WDR59: variants seen among roughly 807,000 people sequenced by gnomAD.
WDR59 encodes the protein WD repeat domain 59.
A neutral mutation model predicts 131.2 loss-of-function variants in WDR59; 100 were observed. The ratio of observed to expected loss-of-function variants is 0.76; its 90% confidence interval spans 0.65 to 0.90. WDR59 has a LOEUF of 0.90. Ranked by LOEUF, WDR59 falls within the 40% of genes least tolerant of loss-of-function variation. WDR59 has a pLI of 0.00. For synonymous variants in WDR59, 601 were observed against 466.2 expected (o/e 1.29, Z -3.72); for missense variants, 1,203 against 1,262.2 (o/e 0.95, Z 0.71).
intron 8 of WDR59, among the ~76,000 whole-genome samples, chr16:74,937,248 T>G (rs1256867081): frequency 6.6e-6 from 1 of 152,202 alleles, no homozygotes; most frequent in African/African-American, 2.4e-5. Context: ...ATCGGGTTAC[T>G]GAAACACATA....
Position 74,889,677 on chromosome 16 carries a change from T to C in WDR59, c.2195+26A>G, listed in dbSNP as rs1964945547. 1.9e-6 allele frequency: 3 copies of C among 1,590,170 alleles called. No individual in the cohort carries two copies. In the East Asian group the frequency reaches 6.7e-5, roughly 36 times the overall value. On this transcript the variant is annotated intron_variant, in intron 21 of 25. Coordinates refer to ENST00000262144, the MANE Select transcript of WDR59 (RefSeq NM_030581.4). Reference sequence around the variant, plus strand: ...ACCAAAAATGGACATCACTCATTTTTCTCATTTTTAGCTCTCAAAACCTAC... The same window carrying C: ...ACCAAAAATGGACATCACTCATTTTCCTCATTTTTAGCTCTCAAAACCTAC...
At chr16:74,952,445 C>CAAAAAAAAAAA (rs61448932) in intron 3 of WDR59, among the ~76,000 whole-genome samples, 26 of 62,546 alleles carry the variant, frequency 4.2e-4, no homozygotes, top group Middle Eastern at 0.012. Context: ...CCATCTCAAA[C>CAAAAAAAAAAA]AAAAAAAAAA....
chr16:74,949,134 C>G (rs1207993411), intron 5 of WDR59, among the ~76,000 whole-genome samples: 4 of 151,844 alleles, frequency 2.6e-5, no homozygotes, highest in Non-Finnish European at 4.4e-5. Context: ...AGCCTGACAA[C>G]ACAGCAAGAC....
chr16:74,918,032 C>T, intron 10 of WDR59, 24 bp from the exon 11 acceptor site: 1 of 1,608,556 alleles, frequency 6.2e-7, no homozygotes. Context: ...AATAAGAATC[C>T]TGGAAATTCT....
chr16:74,969,587 T>C (rs2033903200), intron 1 of WDR59, among the ~76,000 whole-genome samples: 1 of 144,724 alleles, frequency 6.9e-6, no homozygotes, highest in African/African-American at 2.5e-5. Context: ...TTTGTTTTTA[T>C]TTTTGAGATG....
chr16:74,958,028 C>T (rs2033373760), intron 2 of WDR59, among the ~76,000 whole-genome samples: 1 of 152,118 alleles, frequency 6.6e-6, no homozygotes. Context: ...CAGCTGGCAT[C>T]GTCCCATCAG....
chr16:74,971,075 G>C (rs2033964127), intron 1 of WDR59, among the ~76,000 whole-genome samples: 1 of 151,898 alleles, frequency 6.6e-6, no homozygotes, highest in South Asian at 2.1e-4. Context: ...AAAGATGGTA[G>C]GTCAGAACCA....
intron 2 of WDR59, 100 bp from the exon 3 acceptor site, chr16:74,956,710 G>A (rs1406383162): frequency 3.4e-6 from 5 of 1,470,230 alleles, no homozygotes; most frequent in Non-Finnish European, 4.6e-6. Context: ...TGCAAGCAGT[G>A]CTCCAAAAAA....
intron 25 of WDR59, among the ~76,000 whole-genome samples, chr16:74,885,354 GGGA>G (rs35855063): frequency 0.037 from 5,563 of 149,720 alleles, 122 homozygotes; most frequent in Middle Eastern, 0.076. Context: ...GGGAGGCTTA[GGGA>G]GGAGAAGTTA....
intron 1 of WDR59, among the ~76,000 whole-genome samples, chr16:74,983,155 C>A (rs1192463165): frequency 2.0e-5 from 3 of 152,024 alleles, no homozygotes; most frequent in Non-Finnish European, 4.4e-5. Flanking sequence ...CCAGCCTGGG[C>A]AACACAAAGA....
At position 74,918,035 on chromosome 16, in the gene WDR59, G is replaced by A. The variant is rs577424696; in HGVS notation, c.887-27C>T. The stretch of plus-strand genomic sequence containing the variant: ...TAGAAATCACCAAATAAGAATCCTG[G>A]AAATTCTTCTGGATTCAACGTCTAT... On this transcript the variant is annotated intron_variant, in intron 10 of 25. Transcript: ENST00000262144. 2.5e-6 allele frequency: 4 copies of A among 1,605,874 alleles called. No individual in the cohort carries two copies. The Admixed American group carries it at 6.7e-5, about 27-fold the overall frequency.
At chr16:74,928,881 C>T (rs899106955) in intron 8 of WDR59, among the ~76,000 whole-genome samples, 1 of 152,068 alleles carries the variant, frequency 6.6e-6, no homozygotes, top group Admixed American at 6.6e-5. Context: ...TGCACTCCAG[C>T]CTGGATGATA....
chr16:74,902,075 G>A (rs1358807125), intron 18 of WDR59, among the ~76,000 whole-genome samples: 1 of 152,090 alleles, frequency 6.6e-6, no homozygotes, highest in Non-Finnish European at 1.5e-5. Flanking sequence ...GGTTTCTGAG[G>A]TTCCTGAAAT....
Position 74,942,842 on chromosome 16 carries a change from A to C in WDR59, c.446-16T>G, listed in dbSNP as rs2032338142. On this transcript the variant is annotated splice_polypyrimidine_tract_variant and intron_variant, in intron 6 of 25. Coordinates refer to ENST00000262144, the MANE Select transcript of WDR59 (RefSeq NM_030581.4). The stretch of plus-strand genomic sequence containing the variant: ...GAGGCACCCGCTGCAAAGAAAAATC[A>C]GGGAAGAAAGCTGCTGCCCTTGGTG... 6.2e-7 allele frequency: 1 copy of C among 1,612,384 alleles called. No individual in the cohort carries two copies. The highest frequency in any genetic ancestry group is 8.5e-7 in the Non-Finnish European group (1 of 1,178,924).
rs1340520599 is a variant in WDR59 at position 74,882,205 on chromosome 16, C to T, written c.2689+3448G>A. On this transcript the variant is annotated intron_variant, in intron 25 of 25. Transcript: ENST00000262144. ...ATGGTTTGATACATGAGCTCTGTAT[C>T]TCCATGATTCAGGTGTTTTCCTGAA... Among the ~76,000 whole-genome samples the T allele has an allele frequency of 1.1e-4, 16 of 152,320 alleles. No individual in the cohort carries two copies. The South Asian group carries it at 1.9e-3, about 18-fold the overall frequency.
At chr16:74,945,470 C>G (rs534809695) in intron 6 of WDR59, among the ~76,000 whole-genome samples, 1 of 151,552 alleles carries the variant, frequency 6.6e-6, no homozygotes, top group African/African-American at 2.4e-5. Context: ...GAGCGAGACT[C>G]TGTCTCAAAA....
intron 25 of WDR59, 134 bp from the exon 26 acceptor site, chr16:74,874,578 A>G (rs1964117556): frequency 5.6e-6 from 4 of 716,938 alleles, no homozygotes; most frequent in African/African-American, 1.8e-5. Context: ...AGTGGTTTTC[A>G]TTTTCTGTTT....
intron 21 of WDR59, among the ~76,000 whole-genome samples, chr16:74,888,648 G>A (rs1379021688): frequency 3.9e-5 from 6 of 152,160 alleles, no homozygotes; most frequent in Non-Finnish European, 7.4e-5. Context: ...ACATCTGAGC[G>A]AGCCAATACA....
chr16:74,977,716 T>C lies in WDR59; in HGVS notation c.54+7248A>G, dbSNP rs567675044. ...AAAGAAAAATAAATAAATCAATAAA[T>C]AAAAATTGGCCTTGATACTTATCTA... On this transcript the variant is annotated intron_variant, in intron 1 of 25. Coordinates refer to ENST00000262144, the MANE Select transcript of WDR59 (RefSeq NM_030581.4). Among the ~76,000 whole-genome samples, 3 of 152,124 alleles carry C rather than the reference T, an allele frequency of 2.0e-5. No individual in the cohort carries two copies. In the South Asian group the frequency reaches 6.2e-4, roughly 31 times the overall value.
Sources: allele counts gnomAD v4.1 joint callset (sites outside exome capture counted in the v4.1 genomes callset), GRCh38; gene constraint gnomAD v4.1.1; transcripts MANE v1.5; gene names NCBI Gene and HGNC (gene_info 2026-07-23, HGNC 2026-07-21).